The following ACMSD variants were observed in gnomAD, a reference collection of about 807,000 sequenced individuals.
ACMSD encodes the protein 2-amino-3-carboxymuconate-6-semialdehyde decarboxylase.
A neutral mutation model predicts 45.9 loss-of-function variants in ACMSD; 37 were observed. The observed-to-expected ratio is 0.81, with a 90% confidence interval of 0.62 to 1.06. The LOEUF (loss-of-function observed/expected upper bound fraction) is 1.06, where lower values mean the gene tolerates loss of function less well. Among genes scored for constraint, ACMSD ranks in the 50% least tolerant of loss-of-function variants. The pLI is 0.00. For synonymous variants in ACMSD, 138 were observed against 148.8 expected, an observed-to-expected ratio of 0.93 and a Z score of 0.53; for missense variants, 434 against 420.9, an observed-to-expected ratio of 1.03 and a Z score of -0.27.
intron 6 of ACMSD, among the ~76,000 whole-genome samples, chr2:134,868,194 T>C (rs1159371164): frequency 6.6e-6 from 1 of 152,188 alleles, no homozygotes; most frequent in East Asian, 1.9e-4. Context: ...TGAAATCTTA[T>C]ATAAAAGATG....
At chr2:134,841,537 G>C (rs76840647) in intron 1 of ACMSD, among the ~76,000 whole-genome samples, 3,145 of 152,182 alleles carry the variant, frequency 0.021, 114 homozygotes, top group African/African-American at 0.072. Context: ...GACGTATAAA[G>C]ACAATGGATT....
intron 8 of ACMSD, among the ~76,000 whole-genome samples, chr2:134,896,071 T>C (rs1299021112): frequency 6.6e-6 from 1 of 152,160 alleles, no homozygotes; most frequent in Non-Finnish European, 1.5e-5. Context: ...TTTCAACATA[T>C]GATAGTGAGA....
At chr2:134,901,686 G>A in intron 9 of ACMSD, 112 bp from the exon 10 acceptor site, 1 of 611,744 alleles carries the variant, frequency 1.6e-6, no homozygotes, top group Non-Finnish European at 2.7e-6. Flanking sequence ...TAACCTGCTA[G>A]TATTTTTCTC....
At chr2:134,892,821 C>T (rs1396990903) in intron 8 of ACMSD, among the ~76,000 whole-genome samples, 1 of 152,132 alleles carries the variant, frequency 6.6e-6, no homozygotes, top group Non-Finnish European at 1.5e-5. Context: ...TAGAAATGAA[C>T]ATGATGTTGA....
chr2:134,853,090 G>A (rs1687419015), intron 2 of ACMSD, among the ~76,000 whole-genome samples: 2 of 150,162 alleles, frequency 1.3e-5, no homozygotes, highest in African/African-American at 4.9e-5. Flanking sequence ...TTGAACCCAG[G>A]AGGCGGAGAT....
Position 134,847,444 on chromosome 2 carries a change from A to ATAGG in ACMSD, c.102+2170_102+2171insGTAG, listed in dbSNP as rs1553508819. 6.6e-3 allele frequency among the ~76,000 whole-genome samples: 976 copies of ATAGG among 146,914 alleles called. 5 individuals carry two copies. The highest frequency in any genetic ancestry group is 0.028 in the Middle Eastern group (8 of 290). On this transcript the variant is annotated intron_variant, in intron 2 of 9. Transcript: ENST00000356140. The stretch of plus-strand genomic sequence containing the variant: ...GATAGATAGATAGATAGATAGATAG[A>ATAGG]TAGATATAGATAGAGATAGAGATAG...
intron 8 of ACMSD, among the ~76,000 whole-genome samples, chr2:134,885,820 T>A (rs1407534862): frequency 6.6e-6 from 1 of 151,746 alleles, no homozygotes; most frequent in African/African-American, 2.4e-5. Flanking sequence ...CCCGAGAGGG[T>A]CTTTTAAGCT....
rs1418529251 is a variant in ACMSD at position 134,868,645 on chromosome 2, G to T, written c.580+973G>T. Reference sequence around the variant, plus strand: ...TCTTTGTATTTTCAGTAGAAACAGGGTTTCACCATGTTGGCCAGGCTGCTC... The same window carrying T: ...TCTTTGTATTTTCAGTAGAAACAGGTTTTCACCATGTTGGCCAGGCTGCTC... On this transcript the variant is annotated intron_variant, in intron 6 of 9. Transcript: ENST00000356140. Among the ~76,000 whole-genome samples, 3 of 151,850 alleles carry T rather than the reference G, an allele frequency of 2.0e-5. No homozygotes were observed. In the East Asian group the frequency reaches 5.8e-4, roughly 29 times the overall value.
At chr2:134,860,717 T>C (rs533159975) in intron 3 of ACMSD, among the ~76,000 whole-genome samples, 2 of 152,146 alleles carry the variant, frequency 1.3e-5, no homozygotes, top group African/African-American at 4.8e-5. Context: ...GCTTTATATA[T>C]TTTTTAACAA....
At chr2:134,872,430 A>T in intron 7 of ACMSD, 39 bp from the exon 8 acceptor site, 12 of 1,612,724 alleles carry the variant, frequency 7.4e-6, no homozygotes, top group Non-Finnish European at 1.0e-5. Flanking sequence ...AATCCTTTAC[A>T]ATCAACACTA....
chr2:134,897,940 C>T (rs1690264509), intron 8 of ACMSD, among the ~76,000 whole-genome samples: 1 of 144,780 alleles, frequency 6.9e-6, no homozygotes, highest in Admixed American at 6.9e-5. Context: ...TCCTTTCCTA[C>T]TCTGTTAATA....
intron 2 of ACMSD, among the ~76,000 whole-genome samples, chr2:134,848,290 T>A (rs1687175438): frequency 6.6e-6 from 1 of 152,184 alleles, no homozygotes; most frequent in Non-Finnish European, 1.5e-5. Flanking sequence ...TTTGGGTATA[T>A]ACCCAGTGAT....
At position 134,870,989 on chromosome 2, in the gene ACMSD, C is replaced by A. The variant is rs1559054542; in HGVS notation, c.605C>A (p.Ala202Asp). ...GGAATGCCAGCAGAGACCACCATAG[C>A]CATTTGCTCCATGATCATGGGTGGA... ...LVGMPAETTI[A>D]ICSMIMGGVF... Residue 202 changes from alanine (A) to aspartate (D), a missense_variant, in exon 7 of 10, where the codon GCC becomes GAC. Ala to Asp is a moderately radical substitution (Grantham distance 126, BLOSUM62 -2). Coordinates refer to ENST00000356140, the MANE Select transcript of ACMSD (RefSeq NM_138326.3). 2 of 1,614,040 alleles carry A rather than the reference C, an allele frequency of 1.2e-6. No individual in the cohort carries two copies. The highest frequency in any genetic ancestry group is 1.3e-5 in the African/African-American group (1 of 74,998).
At chr2:134,845,995 C>A (rs1263360381) in intron 2 of ACMSD, among the ~76,000 whole-genome samples, 3 of 152,076 alleles carry the variant, frequency 2.0e-5, no homozygotes, top group Admixed American at 6.6e-5. Context: ...CAGAGTTAAC[C>A]CAATGCAGCA....
In ACMSD at chr2:134,863,395, G is replaced by T; in HGVS notation, c.250G>T (p.Ala84Ser). The T allele has an allele frequency of 1.2e-6, 2 of 1,613,936 alleles. No homozygotes were observed. The highest frequency in any genetic ancestry group is 4.5e-5 in the East Asian group (2 of 44,866). ...STVPVMFSYW[A>S]KPEDTLNLCQ... Reference sequence around the variant, plus strand: ...GTTTTCCCTTTCCTGTCTCCACCAGGCCAAACCTGAGGACACTTTAAACCT... The same window carrying T: ...GTTTTCCCTTTCCTGTCTCCACCAGTCCAAACCTGAGGACACTTTAAACCT... Residue 84 changes from alanine to serine, a missense_variant and splice_region_variant, in exon 5 of 10, where the codon GCC becomes TCC. Coordinates refer to ENST00000356140, the MANE Select transcript of ACMSD (RefSeq NM_138326.3).
chr2:134,857,211 C>T (rs781263601), intron 2 of ACMSD, among the ~76,000 whole-genome samples: 2 of 152,048 alleles, frequency 1.3e-5, no homozygotes, highest in African/African-American at 4.8e-5. Context: ...AGGCTGAGGC[C>T]GGTGGATCAT....
At chr2:134,841,014 T>C (rs1192427883) in intron 1 of ACMSD, among the ~76,000 whole-genome samples, 1 of 152,200 alleles carries the variant, frequency 6.6e-6, no homozygotes, top group Non-Finnish European at 1.5e-5. Context: ...CATATGATGT[T>C]TGGTTTTTCA....
chr2:134,863,058 G>GA (rs1687921880), intron 4 of ACMSD: 1 of 924,154 alleles, frequency 1.1e-6, no homozygotes, highest in Admixed American at 1.1e-4. Context: ...CTGGGAGGTA[G>GA]GGGGGCATTA....
At chr2:134,874,749 T>C (rs1367578781) in intron 8 of ACMSD, among the ~76,000 whole-genome samples, 1 of 152,218 alleles carries the variant, frequency 6.6e-6, no homozygotes, top group Non-Finnish European at 1.5e-5. Flanking sequence ...AATCACTGTA[T>C]ATTACTTGAC....
Sources: gnomAD v4.1 joint callset for allele counts (sites outside exome capture counted in the v4.1 genomes callset) on GRCh38, gnomAD v4.1.1 for gene constraint, MANE v1.5 for transcripts, NCBI Gene and HGNC (gene_info 2026-07-23, HGNC 2026-07-21) for gene names.